Variants in SNED1 observed in about 807,000 individuals in gnomAD.
SNED1 encodes the protein sushi, nidogen and EGF-like domain-containing protein 1.
Under a neutral mutation model 166.7 loss-of-function variants are expected in SNED1, and 81 were observed. That is an observed-to-expected ratio of 0.49 (90% CI 0.41 to 0.58). The LOEUF is 0.58. Among genes scored for constraint, SNED1 ranks in the 20% least tolerant of loss-of-function variants. The pLI is 0.00. For missense variants in SNED1, 1,604 were observed against 2,000.2 expected, an observed-to-expected ratio of 0.80 and a Z score of 3.78; for synonymous variants, 762 against 822.0, an observed-to-expected ratio of 0.93 and a Z score of 1.25.
intron 2 of SNED1, 148 bp from the exon 3 acceptor site, chr2:241,033,587 C>T: frequency 1.1e-6 from 1 of 907,350 alleles, no homozygotes; most frequent in Non-Finnish European, 1.6e-6. Context: ...AAGGTCCTGC[C>T]TCGGCTGCCC....
At chr2:241,017,781 C>T (rs2060641912) in intron 1 of SNED1, among the ~76,000 whole-genome samples, 1 of 152,204 alleles carries the variant, frequency 6.6e-6, no homozygotes, top group South Asian at 2.1e-4. Flanking sequence ...CCAGGCACAG[C>T]CAGCTGTGAA....
In SNED1 at chr2:241,026,009, C is replaced by CTTTTTTTTTT. The variant is rs71404676; in HGVS notation, c.214-4260_214-4251dup. On this transcript the variant is annotated intron_variant, in intron 1 of 31. Transcript: ENST00000310397. The stretch of plus-strand genomic sequence containing the variant: ...TTGATGTGGCTTTGTTTTTCTTTTC[C>CTTTTTTTTTT]TTTTTTTTTTTTTTTTTTTTTTTTG... Among the ~76,000 whole-genome samples the CTTTTTTTTTT allele has an allele frequency of 1.8e-3, 135 of 73,588 alleles. 11 individuals carry two copies. Among genetic ancestry groups the CTTTTTTTTTT allele is most frequent in the African/African-American group, 2.9e-3 (56 of 19,266 alleles). 48.3% of individuals were successfully genotyped at this position (73,588 alleles called of 152,430 possible).
chr2:241,072,835 T>G (rs1027044784), intron 26 of SNED1: 5 of 202,636 alleles, frequency 2.5e-5, no homozygotes, highest in Non-Finnish European at 5.0e-5. Flanking sequence ...AGTGATGCAG[T>G]TGGGGGCGAG....
chr2:241,047,765 G>C (rs989660203), intron 8 of SNED1, among the ~76,000 whole-genome samples: 22 of 151,968 alleles, frequency 1.4e-4, no homozygotes, highest in Admixed American at 4.6e-4. Flanking sequence ...GGTGCTTCTT[G>C]TTCTATCCAA....
chr2:241,038,430 T>A (rs1181411094), intron 6 of SNED1, among the ~76,000 whole-genome samples: 1 of 152,220 alleles, frequency 6.6e-6, no homozygotes, highest in African/African-American at 2.4e-5. Flanking sequence ...AGAATGAAGT[T>A]CTGCAGGAAT....
chr2:241,055,590 T>C (rs2062017661), intron 16 of SNED1, among the ~76,000 whole-genome samples: 1 of 152,084 alleles, frequency 6.6e-6, no homozygotes, highest in Non-Finnish European at 1.5e-5. Context: ...TATTAAAGAG[T>C]TGAGGAGGCA....
At chr2:241,088,239 T>TC in intron 30 of SNED1, 126 bp from the exon 31 acceptor site, 2 of 730,106 alleles carry the variant, frequency 2.7e-6, no homozygotes, top group South Asian at 1.6e-5. Context: ...ACTAATGGTG[T>TC]CCCCCACCGT....
intron 12 of SNED1, among the ~76,000 whole-genome samples, chr2:241,050,831 T>C (rs6437231): frequency 2.7e-5 from 4 of 150,834 alleles, no homozygotes; most frequent in Admixed American, 6.6e-5. Context: ...GTACCCAAGG[T>C]GGGGGTCCTA....
At position 241,081,847 on chromosome 2, in the gene SNED1, C is replaced by T. The variant is rs1430233482; in HGVS notation, c.4033+54C>T. ...CCTTCCAACACAGCCTGTGCCTCAG[C>T]CTAGGACTGCTGGGCCACAGCTGGG... is the stretch of plus-strand genomic sequence containing the variant. On this transcript the variant is annotated intron_variant, in intron 28 of 31. Coordinates refer to ENST00000310397, the MANE Select transcript of SNED1 (RefSeq NM_001080437.3). The T allele has an allele frequency of 3.0e-6, 4 of 1,324,238 alleles. No individual in the cohort carries two copies. The African/African-American group carries it at 4.4e-5, about 14-fold the overall frequency. 82.0% of individuals were successfully genotyped at this position (1,324,238 alleles called of 1,614,324 possible).
intron 26 of SNED1, chr2:241,072,308 T>G: frequency 2.3e-6 from 1 of 431,646 alleles, no homozygotes; most frequent in Non-Finnish European, 4.6e-6. Context: ...TGGCAAGATC[T>G]TCCCGGTGGC....
intron 30 of SNED1, chr2:241,087,730 A>G: frequency 7.5e-7 from 1 of 1,331,846 alleles, no homozygotes; most frequent in Non-Finnish European, 9.6e-7. Context: ...GCATATTCAC[A>G]CAGAACATGG....
chr2:241,070,320 A>T, intron 24 of SNED1, 119 bp downstream of exon 24: 3 of 1,103,076 alleles, frequency 2.7e-6, no homozygotes, highest in Non-Finnish European at 3.8e-6. Context: ...TAGAAACAGG[A>T]CCGTGTTAGC....
At chr2:241,021,236 A>G (rs542271419) in intron 1 of SNED1, among the ~76,000 whole-genome samples, 9 of 152,246 alleles carry the variant, frequency 5.9e-5, no homozygotes, top group Admixed American at 5.9e-4. Context: ...CGCTTCCCAC[A>G]TCCAGAGAGG....
chr2:241,082,416 T>C (rs1198455382), intron 29 of SNED1, 52 bp downstream of exon 29: 29 of 1,407,170 alleles, frequency 2.1e-5, no homozygotes, highest in Non-Finnish European at 2.4e-5. Flanking sequence ...TGTTCTTGAC[T>C]CCTCAAAGTG....
At chr2:241,058,202 G>A (rs2062121753) in intron 16 of SNED1, among the ~76,000 whole-genome samples, 1 of 152,106 alleles carries the variant, frequency 6.6e-6, no homozygotes, top group Non-Finnish European at 1.5e-5. Context: ...ATGAGAGGGT[G>A]TCTCTCAATG....
chr2:241,072,009 C>T lies in SNED1; in HGVS notation c.3817+131C>T, dbSNP rs533036058. 10 of 842,402 alleles carry T rather than the reference C, an allele frequency of 1.2e-5. No homozygotes were observed. In the East Asian group the frequency reaches 2.4e-4, roughly 20 times the overall value. 52.2% of individuals were successfully genotyped at this position (842,402 alleles called of 1,614,324 possible). A position where few individuals can be genotyped will look rare whatever the true frequency, so the allele number is the denominator to read the frequency against. On this transcript the variant is annotated intron_variant, in intron 26 of 31. Transcript: ENST00000310397. ...CGCAGTCTCCAGCCAGTGACCCCCA[C>T]CCCGACTGTGCACAAGGCGCGGGGC...
chr2:241,088,757 C>CCACCTGG (rs1370978497), intron 31 of SNED1: 1 of 287,422 alleles, frequency 3.5e-6, no homozygotes, highest in Non-Finnish European at 6.4e-6. Context: ...GGCTGGAAGA[C>CCACCTGG]CACCTGGCAC....
At chr2:241,054,067 G>A (rs1369336170) in intron 16 of SNED1, among the ~76,000 whole-genome samples, 3 of 152,136 alleles carry the variant, frequency 2.0e-5, no homozygotes, top group Admixed American at 6.5e-5. Flanking sequence ...GCCAACCTGC[G>A]TGGTCTCAGG....
intron 31 of SNED1, chr2:241,090,011 G>A (rs62187374): frequency 0.088 from 136,005 of 1,548,452 alleles, 6,798 homozygotes; most frequent in East Asian, 0.23. Flanking sequence ...GCTGGAATGC[G>A]CAGGACTGGC....
Sources: gnomAD v4.1 joint callset for allele counts (sites outside exome capture counted in the v4.1 genomes callset) on GRCh38, gnomAD v4.1.1 for gene constraint, MANE v1.5 for transcripts, NCBI Gene and HGNC (gene_info 2026-07-23, HGNC 2026-07-21) for gene names.